Variants in FAM53A observed in about 807,000 individuals in gnomAD.
FAM53A encodes the protein family with sequence similarity 53 member A, also known as protein FAM53A.
A neutral mutation model predicts 26.6 loss-of-function variants in FAM53A; 28 were observed. The observed-to-expected ratio is 1.05, with a 90% CI of 0.78 to 1.45. The LOEUF is 1.45. Among genes scored for constraint, FAM53A ranks in the 40% most tolerant of loss-of-function variants. The pLI, the probability that FAM53A is intolerant of heterozygous loss-of-function variation, is 0.00. For synonymous variants in FAM53A, 290 were observed against 253.1 expected (o/e 1.15, Z -1.38); for missense variants, 650 against 575.8 (o/e 1.13, Z -1.32).
Position 1,655,288 on chromosome 4 carries a change from C to A in FAM53A, c.572G>T (p.Ser191Ile). The A allele has an allele frequency of 7.0e-7, 1 of 1,426,502 alleles. No individual in the cohort carries two copies. 88.4% of individuals were successfully genotyped at this position (1,426,502 alleles called of 1,614,324 possible). ...CTCGCTGCTGTCCACGAAGCCGCCG[C>A]TGGCGGAGGACGGCCGGGGCGTGGC... ...SPATPRPSSA[S>I]GGFVDSSEGS... Residue 191 changes from serine to isoleucine, a missense_variant, in exon 4 of 5, where the codon AGC (serine) becomes ATC (isoleucine). Transcript: ENST00000308132.
the FAM53A span, among the ~76,000 whole-genome samples, chr4:1,588,540 G>T: frequency 2.6e-5 from 4 of 152,186 alleles, no homozygotes; most frequent in African/African-American, 9.7e-5. Context: ...GGACATCCAA[G>T]TACGGGCAGG....
At chr4:1,661,506 C>T (rs1240097393) in intron 2 of FAM53A, among the ~76,000 whole-genome samples, 1 of 152,204 alleles carries the variant, frequency 6.6e-6, no homozygotes, top group Non-Finnish European at 1.5e-5. Context: ...TCACACGTGA[C>T]CTTCAGGCCC....
At chr4:1,617,964 G>A in exon 2 of FAM53A, 2 of 441,434 alleles carry the variant, frequency 4.5e-6, no homozygotes, top group South Asian at 3.1e-5. Flanking sequence ...CTGCGATGGT[G>A]CCACCACAAC....
chr4:1,636,993 A>G (rs1190954401), downstream of FAM53A, among the ~76,000 whole-genome samples: 2 of 152,160 alleles, frequency 1.3e-5, no homozygotes, highest in East Asian at 1.9e-4. Context: ...TGAGCTGCAC[A>G]TGCGGCGGCG....
chr4:1,619,794 C>T (rs1714949191), intron 1 of FAM53A, among the ~76,000 whole-genome samples: 1 of 152,252 alleles, frequency 6.6e-6, no homozygotes, highest in African/African-American at 2.4e-5. Context: ...AAGCCCTGTC[C>T]TGGGCATGTC....
downstream of FAM53A, among the ~76,000 whole-genome samples, chr4:1,616,523 C>T (rs575386756): frequency 2.0e-5 from 3 of 152,330 alleles, no homozygotes; most frequent in South Asian, 4.2e-4. Context: ...CTCCGTCTCA[C>T]GTCTCAAAAC....
chr4:1,682,551 G>A (rs111249188), intron 1 of FAM53A, among the ~76,000 whole-genome samples: 6 of 152,174 alleles, frequency 3.9e-5, no homozygotes, highest in African/African-American at 1.2e-4. Flanking sequence ...GTGAGCCACC[G>A]CGCCTAGCCT....
the FAM53A span, among the ~76,000 whole-genome samples, chr4:1,586,645 T>G: frequency 1.3e-5 from 2 of 151,686 alleles, no homozygotes; most frequent in Middle Eastern, 6.8e-3. Flanking sequence ...TAGCCAGGTG[T>G]GGTGGCGGGC....
chr4:1,612,416 G>A, the FAM53A span, among the ~76,000 whole-genome samples: 3 of 152,234 alleles, frequency 2.0e-5, no homozygotes, highest in East Asian at 1.9e-4. Context: ...AGGCAGGGCC[G>A]AGTGCTCTCA....
intron 4 of FAM53A, among the ~76,000 whole-genome samples, chr4:1,642,525 C>T (rs1269891461): frequency 1.3e-5 from 2 of 152,202 alleles, no homozygotes; most frequent in Non-Finnish European, 2.9e-5. Context: ...AACCAGAGCA[C>T]TCTGAGCTGC....
At chr4:1,675,427 C>T (rs1004254350) in intron 1 of FAM53A, among the ~76,000 whole-genome samples, 4 of 152,190 alleles carry the variant, frequency 2.6e-5, no homozygotes, top group Admixed American at 2.0e-4. Context: ...CCAGGTGATG[C>T]CTTCTCCCCA....
At chr4:1,638,370 G>A (rs561800756), downstream of FAM53A, among the ~76,000 whole-genome samples, 1 of 152,230 alleles carries the variant, frequency 6.6e-6, no homozygotes, top group Admixed American at 6.5e-5. Context: ...CCCACCCGCA[G>A]AGGACACAGC....
At chr4:1,625,136 A>G (rs62286200) in intron 1 of FAM53A, among the ~76,000 whole-genome samples, 588 of 28,504 alleles carry the variant, frequency 0.021, 19 homozygotes, top group Non-Finnish European at 0.024. Context: ...CAGGGGTCAC[A>G]CCAGGTGATC....
In FAM53A at chr4:1,618,449, C is replaced by T. The variant is rs530187431; in HGVS notation, c.432-338G>A. 7.9e-5 allele frequency among the ~76,000 whole-genome samples: 12 copies of T among 152,292 alleles called. No homozygotes were observed. The South Asian group carries it at 1.0e-3, about 13-fold the overall frequency. ...GTGGGAAGTGGGCTGGTACCACAGC[C>T]GGGCCCCCAGGGCCCCCTTCAGACA... On this transcript the variant is annotated intron_variant, in intron 1 of 1. Transcript: ENST00000489029.
chr4:1,626,681 A>G (rs1450138844), intron 1 of FAM53A, among the ~76,000 whole-genome samples: 5 of 151,364 alleles, frequency 3.3e-5, no homozygotes, highest in African/African-American at 9.7e-5. Context: ...GGACCCGGGG[A>G]GGACCCGGGA....
chr4:1,592,296 C>A, the FAM53A span, among the ~76,000 whole-genome samples: 4 of 152,328 alleles, frequency 2.6e-5, no homozygotes, highest in Admixed American at 2.0e-4. Flanking sequence ...GTACCAGCCA[C>A]GTCCACACGC....
At chr4:1,651,532 TAAA>T (rs34037321) in intron 4 of FAM53A, among the ~76,000 whole-genome samples, 47 of 145,328 alleles carry the variant, frequency 3.2e-4, no homozygotes, top group Middle Eastern at 3.6e-3. Context: ...AATTCTGTCT[TAAA>T]AAAAAAAAAA....
intron 3 of FAM53A, 47 bp from the exon 4 acceptor site, chr4:1,655,770 C>A (rs374248921): frequency 4.7e-6 from 7 of 1,485,022 alleles, no homozygotes; most frequent in African/African-American, 1.4e-5. Context: ...AGGTGAGCCA[C>A]AGGGCAGGCG....
At chr4:1,670,273 G>A (rs112475302) in intron 1 of FAM53A, among the ~76,000 whole-genome samples, 15 of 152,364 alleles carry the variant, frequency 9.8e-5, no homozygotes, top group African/African-American at 2.6e-4. Context: ...ACACACAACC[G>A]CTCTCGACAG....
Sources: allele counts gnomAD v4.1 joint callset (sites outside exome capture counted in the v4.1 genomes callset), GRCh38; gene constraint gnomAD v4.1.1; transcripts MANE v1.5; gene names NCBI Gene and HGNC (gene_info 2026-07-23, HGNC 2026-07-21).